The following ADAMTS17 variants were observed in gnomAD, a reference collection of about 807,000 sequenced individuals.
ADAMTS17 encodes A disintegrin and metalloproteinase with thrombospondin motifs 17.
Under a neutral mutation model 141.5 loss-of-function variants are expected in ADAMTS17, and 113 were observed. The observed-to-expected ratio is 0.80, with a 90% CI of 0.69 to 0.93. The LOEUF (loss-of-function observed/expected upper bound fraction) is 0.93. Among genes scored for constraint, ADAMTS17 ranks in the 40% least tolerant of loss-of-function variants. The pLI, the probability that ADAMTS17 is intolerant of heterozygous loss-of-function variation, is 0.00. For synonymous variants in ADAMTS17, 768 were observed against 630.6 expected, an observed-to-expected ratio of 1.22 and a Z score of -3.27; for missense variants, 1,659 against 1,517.9, an observed-to-expected ratio of 1.09 and a Z score of -1.54.
intron 7 of ADAMTS17, among the ~76,000 whole-genome samples, chr15:100,233,105 G>A (rs1169960946): frequency 6.6e-6 from 1 of 152,170 alleles, no homozygotes; most frequent in Non-Finnish European, 1.5e-5. Context: ...AAGGATGGTG[G>A]ATCACCTGAG....
At chr15:100,060,840 T>C (rs1485515762) in intron 15 of ADAMTS17, among the ~76,000 whole-genome samples, 2 of 152,092 alleles carry the variant, frequency 1.3e-5, no homozygotes. Flanking sequence ...TCCCAGCAAA[T>C]GTGAGAGTAA....
intron 18 of ADAMTS17, among the ~76,000 whole-genome samples, chr15:100,009,256 G>A (rs2141393523): frequency 6.6e-6 from 1 of 152,320 alleles, no homozygotes; most frequent in Non-Finnish European, 1.5e-5. Context: ...TGGAGAGGCA[G>A]CAAGACTGGC....
intron 6 of ADAMTS17, among the ~76,000 whole-genome samples, chr15:100,254,842 C>T (rs555754159): frequency 3.9e-5 from 6 of 152,190 alleles, no homozygotes; most frequent in South Asian, 2.1e-4. Context: ...CAGGGCCAGC[C>T]GGGGGAGGCG....
rs2060272248 is a variant in ADAMTS17 at position 99,974,280 on chromosome 15, T to C, written c.*122A>G. 5 of 1,272,966 alleles carry C rather than the reference T, an allele frequency of 3.9e-6. No homozygotes were observed. Among genetic ancestry groups the C allele is most frequent in the East Asian group, 2.3e-5 (1 of 43,072 alleles). 78.9% of individuals were successfully genotyped at this position (1,272,966 alleles called of 1,614,324 possible). ...ATGGCAAACGCCAAGTCCACGCTCATGTTCTATGTAGTTGGATTCTTGTGG... is the reference window on the plus strand; with the variant it reads ...ATGGCAAACGCCAAGTCCACGCTCACGTTCTATGTAGTTGGATTCTTGTGG... On this transcript the variant is annotated 3_prime_UTR_variant, in exon 22 of 22. Coordinates refer to ENST00000268070, the MANE Select transcript of ADAMTS17 (RefSeq NM_139057.4).
chr15:100,235,139 G>A (rs185999963), intron 7 of ADAMTS17, among the ~76,000 whole-genome samples: 4 of 152,310 alleles, frequency 2.6e-5, no homozygotes, highest in South Asian at 2.1e-4. Flanking sequence ...ATAGGATGCA[G>A]GAGGTGCTCG....
intron 6 of ADAMTS17, among the ~76,000 whole-genome samples, chr15:100,258,021 T>G (rs574012049): frequency 6.6e-6 from 1 of 152,358 alleles, no homozygotes; most frequent in South Asian, 2.1e-4. Flanking sequence ...TCCTTGAGGT[T>G]CATCCATGTT....
chr15:100,116,106 GT>G (rs994798594), intron 13 of ADAMTS17, among the ~76,000 whole-genome samples: 6 of 103,620 alleles, frequency 5.8e-5, no homozygotes, highest in African/African-American at 2.3e-4. Flanking sequence ...ACAAAGTCTT[GT>G]TTCCTAAAGA....
At chr15:100,039,540 T>C (rs1207326082) in intron 18 of ADAMTS17, among the ~76,000 whole-genome samples, 1 of 152,238 alleles carries the variant, frequency 6.6e-6, no homozygotes, top group Admixed American at 6.5e-5. Context: ...TTCCATGTAC[T>C]TATGAGTTTC....
chr15:100,207,026 C>T (rs1029126990), intron 7 of ADAMTS17, among the ~76,000 whole-genome samples: 3 of 152,214 alleles, frequency 2.0e-5, no homozygotes, highest in African/African-American at 7.2e-5. Context: ...CTGTTATGGG[C>T]TAAACTGTGT....
At chr15:99,994,478 G>C (rs2060756564) in intron 19 of ADAMTS17, among the ~76,000 whole-genome samples, 1 of 150,916 alleles carries the variant, frequency 6.6e-6, no homozygotes. Context: ...ATCCCACTGT[G>C]TCCACTGGAA....
intron 8 of ADAMTS17, among the ~76,000 whole-genome samples, chr15:100,190,457 C>G (rs1393723901): frequency 6.6e-6 from 1 of 152,192 alleles, no homozygotes; most frequent in Non-Finnish European, 1.5e-5. Context: ...GTGGCAAGGT[C>G]CCCAAAGGCA....
chr15:100,160,665 G>A (rs994217421), intron 8 of ADAMTS17, among the ~76,000 whole-genome samples: 3 of 152,298 alleles, frequency 2.0e-5, no homozygotes, highest in African/African-American at 7.2e-5. Context: ...AGCACACCAC[G>A]TCCAGTGAGC....
intron 18 of ADAMTS17, among the ~76,000 whole-genome samples, chr15:100,032,658 T>A (rs554858733): frequency 6.6e-6 from 1 of 152,320 alleles, no homozygotes; most frequent in South Asian, 2.1e-4. Flanking sequence ...TTCTTTTTAA[T>A]GCCATGGCAG....
chr15:100,100,480 A>G (rs62038570), intron 14 of ADAMTS17, among the ~76,000 whole-genome samples: 24,106 of 152,070 alleles, frequency 0.16, 2,129 homozygotes, highest in Admixed American at 0.21. Flanking sequence ...CTTCTCCTCC[A>G]AAGCTGCCTG....
intron 18 of ADAMTS17, among the ~76,000 whole-genome samples, chr15:100,038,362 T>C (rs1004861573): frequency 6.6e-6 from 1 of 152,206 alleles, no homozygotes; most frequent in African/African-American, 2.4e-5. Context: ...CCCTTTGCAA[T>C]TCCATATGAA....
intron 20 of ADAMTS17, among the ~76,000 whole-genome samples, chr15:99,977,388 ATATATATATATAATTTTTTTTTTT>A (rs2060378538): frequency 2.0e-4 from 2 of 9,872 alleles, no homozygotes; most frequent in African/African-American, 8.3e-4. Context: ...ATATATATAT[ATATATATATATAATTTTTTTTTTT>A]TTTTTTTTTT....
chr15:100,108,138 G>A (rs2036520538), intron 14 of ADAMTS17, among the ~76,000 whole-genome samples: 1 of 152,074 alleles, frequency 6.6e-6, no homozygotes, highest in South Asian at 2.1e-4. Flanking sequence ...GTTAATGCAG[G>A]TGGAGGGTAA....
intron 3 of ADAMTS17, among the ~76,000 whole-genome samples, chr15:100,303,641 A>G (rs1424137811): frequency 1.3e-5 from 2 of 152,126 alleles, no homozygotes; most frequent in Non-Finnish European, 2.9e-5. Flanking sequence ...ATTCTATTCC[A>G]TATGTGATTA....
Position 100,108,984 on chromosome 15 carries a change from G to GTC in ADAMTS17, c.2016+3_2016+4dup. On this transcript the variant is annotated splice_donor_region_variant and intron_variant, in intron 14 of 21. Transcript: ENST00000268070. Reference sequence around the variant, plus strand: ...CCACCAAGGACCGAAGGAGAAGTACGTCACCTGGCACTTGCCGTGCACGCA... The same window carrying GTC: ...CCACCAAGGACCGAAGGAGAAGTACGTCTCACCTGGCACTTGCCGTGCACGCA... 6.2e-7 allele frequency: 1 copy of GTC among 1,613,814 alleles called. No homozygotes were observed. Among genetic ancestry groups the GTC allele is most frequent in the South Asian group, 1.1e-5 (1 of 91,062 alleles).
Sources: gnomAD v4.1 joint callset for allele counts (sites outside exome capture counted in the v4.1 genomes callset) on GRCh38, gnomAD v4.1.1 for gene constraint, MANE v1.5 for transcripts, NCBI Gene and HGNC (gene_info 2026-07-23, HGNC 2026-07-21) for gene names.